The following KRR1 variants were observed in gnomAD, a reference collection of about 807,000 sequenced individuals.
KRR1 encodes KRR1 small subunit processome component, also known as KRR1 small subunit processome component homolog.
In KRR1, 23 loss-of-function variants were observed where a neutral mutation model predicts 50.0. The observed-to-expected ratio is 0.46, with a 90% CI of 0.33 to 0.65. KRR1 has a LOEUF of 0.65. KRR1 is among the 30% of genes least tolerant of loss of function. The pLI is 0.02. For missense variants in KRR1, 419 were observed against 442.4 expected (o/e 0.95, Z 0.47); for synonymous variants, 133 against 146.3 (o/e 0.91, Z 0.66).
Position 75,501,711 on chromosome 12 carries a change from A to G in KRR1, c.1003+12T>C. The G allele has an allele frequency of 6.5e-7, 1 of 1,544,992 alleles. No individual in the cohort carries two copies. Among genetic ancestry groups the G allele is most frequent in the Non-Finnish European group, 8.9e-7 (1 of 1,126,848 alleles). On this transcript the variant is annotated intron_variant, in intron 9 of 9. Transcript: ENST00000229214. ...TAATTAATAAAGACTTTTACATCATAGAAAGCATTACCTTCCTTAGGTTTC... is the reference window on the plus strand; with the variant it reads ...TAATTAATAAAGACTTTTACATCATGGAAAGCATTACCTTCCTTAGGTTTC...
rs946747357 is a variant in KRR1, at chr12:75,495,148, T to C, written c.*4661A>G. On this transcript the variant is annotated 3_prime_UTR_variant, in exon 10 of 10. Transcript: ENST00000229214. ...TGAGAATATTGAATGTGGGTCACCA[T>C]AGCTTTTCTAAGATGGACAGTTTTT... 1.3e-5 allele frequency: 2 copies of C among 152,584 alleles called. No individual in the cohort carries two copies. Among genetic ancestry groups the C allele is most frequent in the Admixed American group, 6.5e-5 (1 of 15,300 alleles). The allele number at this position is 152,584 out of a possible 1,614,324, so 9.5% of individuals were successfully genotyped here.
intron 7 of KRR1, 132 bp downstream of exon 7, chr12:75,503,772 T>G: frequency 1.3e-6 from 1 of 785,906 alleles, no homozygotes; most frequent in Non-Finnish European, 1.9e-6. Flanking sequence ...CCTCAGTTTC[T>G]TATAGCTCTG....
Position 75,501,657 on chromosome 12 carries a change from A to G in KRR1, c.1003+66T>C, listed in dbSNP as rs547629172. On this transcript the variant is annotated intron_variant, in intron 9 of 9. Transcript: ENST00000229214. ...ATACAACTGTTTCTTAAAAAGATTC[A>G]GACAAATTTATTATGGGTTTACTTT... is the stretch of plus-strand genomic sequence containing the variant. 2.9e-6 allele frequency: 3 copies of G among 1,043,572 alleles called. No individual in the cohort carries two copies. In the South Asian group the frequency reaches 4.2e-5, roughly 15 times the overall value. 64.6% of individuals were successfully genotyped at this position (1,043,572 alleles called of 1,614,324 possible).
At position 75,491,272 on chromosome 12, in the gene KRR1, T is replaced by C. The variant is rs953529265; in HGVS notation, c.*8537A>G. The C allele has an allele frequency of 6.6e-6, 1 of 152,154 alleles. No individual in the cohort carries two copies. The highest frequency in any genetic ancestry group is 1.5e-5 in the Non-Finnish European group (1 of 68,040). 9.4% of individuals were successfully genotyped at this position (152,154 alleles called of 1,614,324 possible). On this transcript the variant is annotated 3_prime_UTR_variant, in exon 10 of 10. Transcript: ENST00000229214. ...CCAGAAGTTTATGAGATGGCTCCTATTACTACCCCTGTTTGGCAAATGAGA... is the reference window on the plus strand; with the variant it reads ...CCAGAAGTTTATGAGATGGCTCCTACTACTACCCCTGTTTGGCAAATGAGA...
At position 75,499,028 on chromosome 12, in the gene KRR1, C is replaced by A; in HGVS notation, c.*781G>T. 1 of 1,269,612 alleles carries A rather than the reference C, an allele frequency of 7.9e-7. No individual in the cohort carries two copies. The highest frequency in any genetic ancestry group is 1.1e-6 in the Non-Finnish European group (1 of 932,518). 78.6% of individuals were successfully genotyped at this position (1,269,612 alleles called of 1,614,324 possible). On this transcript the variant is annotated 3_prime_UTR_variant, in exon 10 of 10. Coordinates refer to ENST00000229214, the MANE Select transcript of KRR1 (RefSeq NM_007043.7). ...AAAAACCAACCTCATTCACATATGG[C>A]TTTTTTTTTAACCAATAACAATTAG...
At chr12:75,505,590 T>G (rs1248966699) in intron 5 of KRR1, among the ~76,000 whole-genome samples, 2 of 151,162 alleles carry the variant, frequency 1.3e-5, no homozygotes, top group Non-Finnish European at 2.9e-5. Flanking sequence ...CTTTCTCATT[T>G]GTAATATAAG....
chr12:75,496,730 G>A lies in KRR1; in HGVS notation c.*3079C>T, dbSNP rs769436505. Reference sequence around the variant, plus strand: ...CAGAGTCGGCCAAGTTCCACTGCACGAAATTTAGTTTGGAAAAAAGTGTTC... The same window carrying A: ...CAGAGTCGGCCAAGTTCCACTGCACAAAATTTAGTTTGGAAAAAAGTGTTC... On this transcript the variant is annotated 3_prime_UTR_variant, in exon 10 of 10. Coordinates refer to ENST00000229214, the MANE Select transcript of KRR1 (RefSeq NM_007043.7). 6.6e-6 allele frequency: 1 copy of A among 152,152 alleles called. No homozygotes were observed. Among genetic ancestry groups the A allele is most frequent in the South Asian group, 2.1e-4 (1 of 4,836 alleles). The allele number at this position is 152,152 out of a possible 1,614,324, so 9.4% of individuals were successfully genotyped here.
intron 6 of KRR1, among the ~76,000 whole-genome samples, chr12:75,504,587 C>T (rs1319560355): frequency 4.6e-5 from 7 of 152,014 alleles, no homozygotes; most frequent in Non-Finnish European, 7.4e-5. Context: ...ATCCCAATAT[C>T]CCAATGTAAC....
In KRR1 at chr12:75,498,616, G is replaced by T; in HGVS notation, c.*1193C>A. On this transcript the variant is annotated 3_prime_UTR_variant, in exon 10 of 10. Transcript: ENST00000229214. ...AGCAAGTTAATGGTCATAATTATAA[G>T]ACTTAGCTTTTTAAAATAAAACTCT... is the stretch of plus-strand genomic sequence containing the variant. 8.6e-7 allele frequency: 1 copy of T among 1,158,176 alleles called. No individual in the cohort carries two copies. Among genetic ancestry groups the T allele is most frequent in the South Asian group, 1.3e-5 (1 of 79,672 alleles). The allele number at this position is 1,158,176 out of a possible 1,614,324, so 71.7% of individuals were successfully genotyped here. A position where few individuals can be genotyped will look rare whatever the true frequency, so the allele number is the denominator to read the frequency against.
Position 75,498,697 on chromosome 12 carries a change from A to C in KRR1, c.*1112T>G, listed in dbSNP as rs755963187. On this transcript the variant is annotated 3_prime_UTR_variant, in exon 10 of 10. Coordinates refer to ENST00000229214, the MANE Select transcript of KRR1 (RefSeq NM_007043.7). ...TTTCTTCCCCCTAACTTTACAGTTAACCGACAGCGAGACCAAGTCAAACGT... is the reference window on the plus strand; with the variant it reads ...TTTCTTCCCCCTAACTTTACAGTTACCCGACAGCGAGACCAAGTCAAACGT... 10 of 1,612,502 alleles carry C rather than the reference A, an allele frequency of 6.2e-6. No individual in the cohort carries two copies. In the African/African-American group the frequency reaches 1.3e-4, roughly 22 times the overall value.
At chr12:75,506,670 T>G in intron 3 of KRR1, 61 bp from the exon 4 acceptor site, 1 of 1,547,138 alleles carries the variant, frequency 6.5e-7, no homozygotes, top group East Asian at 2.3e-5. Flanking sequence ...TTACATTCAT[T>G]TTCCAGGCCC....
At chr12:75,502,333 A>G (rs182227676) in intron 7 of KRR1, 19 of 193,594 alleles carry the variant, frequency 9.8e-5, no homozygotes, top group Admixed American at 2.3e-4. Flanking sequence ...TAGGAGGGAT[A>G]AGATTTAGAA....
At chr12:75,503,345 G>A (rs560055180) in intron 7 of KRR1, 3 of 152,216 alleles carry the variant, frequency 2.0e-5, no homozygotes, top group East Asian at 1.9e-4. Context: ...ACGTTGCAAG[G>A]AAGAAGTCAA....
chr12:75,511,575 C>A lies in KRR1; in HGVS notation c.23G>T (p.Arg8Leu), dbSNP rs780242758. The change falls in exon 1 of 10, where the codon CGG (arginine) becomes CTG (leucine). Residue 8 changes from arginine (R) to leucine (L), a missense_variant. Arg to Leu is a moderately radical substitution (Grantham distance 102, BLOSUM62 -2). Coordinates refer to ENST00000229214, the MANE Select transcript of KRR1 (RefSeq NM_007043.7). MASPSLE[R>L]PEKGAGKSEF... is the part of the protein sequence containing the mutation. ...ACTTTTTCCAGCGCCTTTTTCTGGC[C>A]GCTCCAGCGAGGGAGACGCCATTTG... The A allele has an allele frequency of 1.9e-6, 3 of 1,613,940 alleles. No individual in the cohort carries two copies. The Admixed American group carries it at 5.0e-5, about 27-fold the overall frequency.
Position 75,508,456 on chromosome 12 carries a change from G to T in KRR1, c.86-10C>A. On this transcript the variant is annotated splice_polypyrimidine_tract_variant and intron_variant, in intron 1 of 9. Transcript: ENST00000229214. Reference sequence around the variant, plus strand: ...AGGAGTTCTGATTCATCTACAGAAAGGAAAAAATTTACACATCACATTTTA... The same window carrying T: ...AGGAGTTCTGATTCATCTACAGAAATGAAAAAATTTACACATCACATTTTA... The T allele has an allele frequency of 6.3e-7, 1 of 1,575,172 alleles. No homozygotes were observed. Among genetic ancestry groups the T allele is most frequent in the Non-Finnish European group, 8.6e-7 (1 of 1,166,518 alleles).
Position 75,499,305 on chromosome 12 carries a change from T to C in KRR1, c.*504A>G, listed in dbSNP as rs2046373641. 1.1e-5 allele frequency: 2 copies of C among 183,786 alleles called. No individual in the cohort carries two copies. The highest frequency in any genetic ancestry group is 2.2e-5 in the Non-Finnish European group (2 of 89,754). 11.4% of individuals were successfully genotyped at this position (183,786 alleles called of 1,614,324 possible). On this transcript the variant is annotated 3_prime_UTR_variant, in exon 10 of 10. Transcript: ENST00000229214. Reference sequence around the variant, plus strand: ...AGTAACTCCAGTAGCCTTCATTAGTTAAAAACATTATTATTTTTTGCATGC... The same window carrying C: ...AGTAACTCCAGTAGCCTTCATTAGTCAAAAACATTATTATTTTTTGCATGC...
intron 9 of KRR1, 85 bp downstream of exon 9, chr12:75,501,638 C>A: frequency 2.4e-6 from 2 of 846,334 alleles, no homozygotes; most frequent in Non-Finnish European, 3.8e-6. Context: ...AAAGATACAA[C>A]TGTTTCTTAA....
intron 8 of KRR1, 42 bp from the exon 9 acceptor site, chr12:75,501,858 T>G: frequency 1.9e-6 from 3 of 1,572,402 alleles, no homozygotes; most frequent in Non-Finnish European, 2.6e-6. Context: ...AATGTATTTA[T>G]AGTTAAATAA....
At position 75,498,399 on chromosome 12, in the gene KRR1, A is replaced by AT. The variant is rs1040568780; in HGVS notation, c.*1409dup. The AT allele has an allele frequency of 7.5e-5, 17 of 225,814 alleles. No homozygotes were observed. Among genetic ancestry groups the AT allele is most frequent in the African/African-American group, 3.6e-4 (16 of 43,896 alleles). The allele number at this position is 225,814 out of a possible 1,614,324, so 14.0% of individuals were successfully genotyped here. On this transcript the variant is annotated 3_prime_UTR_variant, in exon 10 of 10. Transcript: ENST00000229214. ...TCTCACATTCTAATATTTAATTTTT[A>AT]TTTTTTAAATTTTATTACCTGCTAG...
Sources: allele counts gnomAD v4.1 joint callset (sites outside exome capture counted in the v4.1 genomes callset), GRCh38; gene constraint gnomAD v4.1.1; transcripts MANE v1.5; gene names NCBI Gene and HGNC (gene_info 2026-07-23, HGNC 2026-07-21).